NPM1: variants seen among roughly 807,000 people sequenced by gnomAD.
The protein encoded by NPM1 is nucleophosmin 1.
NPM1 carries 1 observed loss-of-function variant against 44.1 expected under a neutral mutation model. The ratio of observed to expected loss-of-function variants is 0.02; its 90% CI spans 0.01 to 0.11. The LOEUF is 0.11. Ranked by LOEUF, NPM1 falls within the 10% of genes least tolerant of loss-of-function variation. The pLI is 1.00. For missense variants in NPM1, 197 were observed against 347.8 expected, an observed-to-expected ratio of 0.57 and a Z score of 3.45; for synonymous variants, 126 against 111.8, an observed-to-expected ratio of 1.13 and a Z score of -0.80.
intron 4 of NPM1, among the ~76,000 whole-genome samples, 163 bp downstream of exon 4, chr5:171,391,962 G>A (rs1043155496): frequency 2.4e-5 from 3 of 126,620 alleles, no homozygotes; most frequent in African/African-American, 8.3e-5. Context: ...TGGGGCGGGG[G>A]GGAGAGGAAA....
In NPM1 at chr5:171,407,807, C is replaced by T. The variant is rs765411953; in HGVS notation, c.846+33C>T. 46 of 1,394,750 alleles carry T rather than the reference C, an allele frequency of 3.3e-5. 1 individual carries two copies. The South Asian group carries it at 5.2e-4, about 16-fold the overall frequency. 86.4% of individuals were successfully genotyped at this position (1,394,750 alleles called of 1,614,324 possible). A position where few individuals can be genotyped will look rare whatever the true frequency, so the allele number is the denominator to read the frequency against. ...GATTTTCTGGGGACATGATTAAATCCAAGTTTTTTTGTGATTTATTATGAT... is the reference window on the plus strand; with the variant it reads ...GATTTTCTGGGGACATGATTAAATCTAAGTTTTTTTGTGATTTATTATGAT... On this transcript the variant is annotated intron_variant, in intron 10 of 10. Coordinates refer to ENST00000296930, the MANE Select transcript of NPM1 (RefSeq NM_002520.7).
chr5:171,409,085 C>T (rs1771702513), intron 10 of NPM1, among the ~76,000 whole-genome samples: 1 of 152,160 alleles, frequency 6.6e-6, no homozygotes, highest in Non-Finnish European at 1.5e-5. Flanking sequence ...GCTAGGATTA[C>T]AGGCACGAGC....
At chr5:171,396,676 G>A (rs977932737) in intron 6 of NPM1, among the ~76,000 whole-genome samples, 4 of 152,132 alleles carry the variant, frequency 2.6e-5, no homozygotes, top group South Asian at 2.1e-4. Context: ...CCAGTGACTC[G>A]ATTTGATTAC....
intron 4 of NPM1, 94 bp downstream of exon 4, chr5:171,391,893 A>C (rs3830032): frequency 1.5e-6 from 1 of 649,244 alleles, no homozygotes. Context: ...GTATAGTACT[A>C]CTGTCTTTTT....
intron 2 of NPM1, 23 bp from the exon 3 acceptor site, chr5:171,391,279 AAGT>A (rs759323042): frequency 1.3e-5 from 21 of 1,604,272 alleles, no homozygotes; most frequent in African/African-American, 2.7e-5. Context: ...TCAAAAGTTG[AAGT>A]AGTATTTTTT....
chr5:171,399,428 TAG>T (rs1177826725), intron 6 of NPM1, among the ~76,000 whole-genome samples: 1 of 152,118 alleles, frequency 6.6e-6, no homozygotes, highest in Non-Finnish European at 1.5e-5. Context: ...ATTTTTTTTG[TAG>T]AGAGGGTTCT....
intron 9 of NPM1, 33 bp downstream of exon 9, chr5:171,405,436 C>T (rs1259863408): frequency 5.1e-6 from 5 of 977,730 alleles, no homozygotes; most frequent in African/African-American, 4.9e-5. Flanking sequence ...AACTTTGTCT[C>T]CCCCCTCAAA....
intron 1 of NPM1, 89 bp from the exon 2 acceptor site, chr5:171,389,962 A>G (rs1470472532): frequency 2.7e-6 from 2 of 747,502 alleles, no homozygotes; most frequent in African/African-American, 3.6e-5. Context: ...AACTAGTTCA[A>G]AAGTTAGACC....
chr5:171,393,311 A>G (rs1770691301), intron 6 of NPM1, among the ~76,000 whole-genome samples: 1 of 152,224 alleles, frequency 6.6e-6, no homozygotes, highest in African/African-American at 2.4e-5. Context: ...TTTTATGGTG[A>G]GCAGTTAATG....
Position 171,391,095 on chromosome 5 carries a change from T to C in NPM1, c.139-210T>C, listed in dbSNP as rs56042838. ...ATTCAGTACAGTAACACTGTACAGG[T>C]TTGTAGCCTAGGTGTGTGTAGTAGG... On this transcript the variant is annotated intron_variant, in intron 2 of 10. Transcript: ENST00000296930. 2.9e-3 allele frequency: 1,540 copies of C among 535,968 alleles called. 16 individuals carry two copies. The highest frequency in any genetic ancestry group is 0.026 in the African/African-American group (1,389 of 52,598). 33.2% of individuals were successfully genotyped at this position (535,968 alleles called of 1,614,324 possible).
chr5:171,394,078 G>C (rs2113191810), intron 6 of NPM1, among the ~76,000 whole-genome samples: 1 of 127,982 alleles, frequency 7.8e-6, no homozygotes, highest in African/African-American at 3.0e-5. Flanking sequence ...GGAGTCTCCA[G>C]TTGCTCAGGC....
intron 6 of NPM1, among the ~76,000 whole-genome samples, chr5:171,398,307 A>G (rs1771017481): frequency 6.6e-6 from 1 of 152,126 alleles, no homozygotes; most frequent in Non-Finnish European, 1.5e-5. Context: ...TGCCCCCTTA[A>G]TTCTGAGTTT....
At chr5:171,396,058 T>C (rs1770867340) in intron 6 of NPM1, among the ~76,000 whole-genome samples, 1 of 151,640 alleles carries the variant, frequency 6.6e-6, no homozygotes, top group African/African-American at 2.4e-5. Context: ...TGGCTCACTG[T>C]AACTTCTGCC....
At chr5:171,390,476 A>T (rs958510702) in intron 2 of NPM1, among the ~76,000 whole-genome samples, 1 of 152,350 alleles carries the variant, frequency 6.6e-6, no homozygotes, top group South Asian at 2.1e-4. Flanking sequence ...TAGGTGGTCT[A>T]TATTGTGTGT....
At chr5:171,405,035 T>C (rs542096641) in intron 8 of NPM1, among the ~76,000 whole-genome samples, 1 of 152,266 alleles carries the variant, frequency 6.6e-6, no homozygotes, top group South Asian at 2.1e-4. Flanking sequence ...GCTGCTGGGC[T>C]TAAGCAATCC....
Position 171,400,966 on chromosome 5 carries a change from T to C in NPM1, c.669+41T>C, listed in dbSNP as rs748890155. The C allele has an allele frequency of 3.7e-6, 5 of 1,348,554 alleles. No individual in the cohort carries two copies. In the African/African-American group the frequency reaches 5.8e-5, roughly 16 times the overall value. The allele number at this position is 1,348,554 out of a possible 1,614,324, so 83.5% of individuals were successfully genotyped here. ...TACACGTGGGTCTCATTGATCTAGT[T>C]GGGGAAAAAGATTCTACTGTGGAAG... On this transcript the variant is annotated intron_variant, in intron 8 of 10. Transcript: ENST00000296930.
intron 10 of NPM1, 136 bp from the exon 11 acceptor site, chr5:171,410,391 C>A: frequency 2.0e-6 from 1 of 502,644 alleles, no homozygotes; most frequent in Non-Finnish European, 3.5e-6. Flanking sequence ...TTCTTGGAGT[C>A]ATATCTTTAT....
intron 6 of NPM1, among the ~76,000 whole-genome samples, chr5:171,396,109 A>C (rs1770869287): frequency 6.6e-6 from 1 of 151,854 alleles, no homozygotes; most frequent in Non-Finnish European, 1.5e-5. Context: ...CCTCCCAAGT[A>C]GCTGGGATTA....
chr5:171,408,567 C>T (rs761643234), intron 10 of NPM1, among the ~76,000 whole-genome samples: 6 of 151,998 alleles, frequency 3.9e-5, no homozygotes, highest in Non-Finnish European at 7.4e-5. Flanking sequence ...GTTCGTAAAA[C>T]CCTGATAATG....
Sources: allele counts gnomAD v4.1 joint callset (sites outside exome capture counted in the v4.1 genomes callset), GRCh38; gene constraint gnomAD v4.1.1; transcripts MANE v1.5; gene names NCBI Gene and HGNC (gene_info 2026-07-23, HGNC 2026-07-21).